PCDH19: variants seen among roughly 807,000 people sequenced by gnomAD.
PCDH19 encodes the protein protocadherin 19.
In PCDH19, 6 loss-of-function variants were observed where a neutral mutation model predicts 46.2. The ratio of observed to expected loss-of-function variants is 0.13; its 90% CI spans 0.07 to 0.26. PCDH19 has a LOEUF of 0.26. PCDH19 is among the 10% of genes least tolerant of loss of function. PCDH19 has a pLI of 1.00. For missense variants in PCDH19, 740 were observed against 972.3 expected, an observed-to-expected ratio of 0.76 and a Z score of 3.18; for synonymous variants, 481 against 415.7, an observed-to-expected ratio of 1.16 and a Z score of -1.91.
intron 5 of PCDH19, among the ~76,000 whole-genome samples, chrX:100,333,171 A>AAGGAAGGAAGGG (rs1925950574): frequency 3.4e-5 from 1 of 29,394 alleles, no homozygotes; most frequent in African/African-American, 1.1e-4. Context: ...GGAAGGAAGG[A>AAGGAAGGAAGGG]AGGGAGAGAG....
At chrX:100,402,952 T>A (rs1286519055) in intron 2 of PCDH19, 101 bp from the exon 3 acceptor site, 2 of 607,696 alleles carry the variant, frequency 3.3e-6, no homozygotes, top group Non-Finnish European at 5.4e-6. Flanking sequence ...CCATCTCCGC[T>A]CCAGCTCCTT....
At chrX:100,405,556 T>C (rs1198525630) in intron 1 of PCDH19, among the ~76,000 whole-genome samples, 8 of 90,499 alleles carry the variant, frequency 8.8e-5, no homozygotes, top group Non-Finnish European at 1.7e-4. Context: ...TCCCTCTCTC[T>C]CTCCCTCCCC....
rs1928542408 is a variant in PCDH19 at position 100,409,812 on chromosome X, T to TA, written c.-1216_-1215insT. 4.2e-6 allele frequency: 1 copy of TA among 239,367 alleles called. No individual in the cohort carries two copies. Among genetic ancestry groups the TA allele is most frequent in the African/African-American group, 3.0e-5 (1 of 33,646 alleles). 19.7% of individuals were successfully genotyped at this position (239,367 alleles called of 1,213,427 possible). A position where few individuals can be genotyped will look rare whatever the true frequency, so the allele number is the denominator to read the frequency against. On this transcript the variant is annotated 5_prime_UTR_variant, in exon 1 of 6. Coordinates refer to ENST00000373034, the MANE Select transcript of PCDH19 (RefSeq NM_001184880.2). ...CAGCAGCTGCCACAGTCGACGATTT[T>TA]GTCGCCGCCGAAGTTTACTTGCAGG...
In PCDH19 at chrX:100,295,953, ATAT is replaced by A. The variant is rs1388823383; in HGVS notation, c.*321_*323del. 2 of 228,655 alleles carry A rather than the reference ATAT, an allele frequency of 8.7e-6. No individual in the cohort carries two copies. The highest frequency in any genetic ancestry group is 7.8e-5 in the East Asian group (1 of 12,806). The allele number at this position is 228,655 out of a possible 1,213,427, so 18.8% of individuals were successfully genotyped here. A position where few individuals can be genotyped will look rare whatever the true frequency, so the allele number is the denominator to read the frequency against. On this transcript the variant is annotated 3_prime_UTR_variant, in exon 6 of 6. Transcript: ENST00000373034. ...AATCCTCCACAAACAATGGTAATTT[ATAT>A]TATAATTTTGACATAGAAAAATATA...
At chrX:100,372,067 T>G (rs1173731025) in intron 3 of PCDH19, among the ~76,000 whole-genome samples, 2 of 110,802 alleles carry the variant, frequency 1.8e-5, no homozygotes, top group African/African-American at 6.6e-5. Flanking sequence ...TGAAACCTCA[T>G]CTCTACTAAA....
chrX:100,377,553 C>T lies in PCDH19; in HGVS notation c.2616+24971G>A, dbSNP rs771714242. Among the ~76,000 whole-genome samples the T allele has an allele frequency of 2.7e-5, 3 of 112,062 alleles. No homozygotes were observed. In the South Asian group the frequency reaches 1.1e-3, roughly 42 times the overall value. ...TAGCCCAGACTGATGCATAGGTGTT[C>T]AATACCACACAGCTGAAGTAAACTG... On this transcript the variant is annotated intron_variant, in intron 3 of 5. Transcript: ENST00000373034.
intron 3 of PCDH19, among the ~76,000 whole-genome samples, chrX:100,386,752 T>A (rs763071341): frequency 9.1e-4 from 102 of 111,926 alleles, no homozygotes; most frequent in African/African-American, 3.3e-3. Context: ...GGTCCCTCAA[T>A]TTTTAGACCC....
chrX:100,332,506 C>A (rs747147902), intron 5 of PCDH19, among the ~76,000 whole-genome samples: 6 of 105,206 alleles, frequency 5.7e-5, no homozygotes, highest in African/African-American at 2.1e-4. Context: ...TGGAGCAAAA[C>A]CCCGTCTCAA....
At chrX:100,320,790 CT>C (rs1249904796) in intron 5 of PCDH19, among the ~76,000 whole-genome samples, 14 of 103,350 alleles carry the variant, frequency 1.4e-4, no homozygotes, top group Non-Finnish European at 1.8e-4. Flanking sequence ...TTTTTTTAAC[CT>C]TTTTTTTTCC....
At position 100,292,074 on chromosome X, in the gene PCDH19, C is replaced by A. The variant is rs981964274; in HGVS notation, c.*4203G>T. On this transcript the variant is annotated 3_prime_UTR_variant, in exon 6 of 6. Transcript: ENST00000373034. ...AGGCGTAAGCCTATTGCAACTAATA[C>A]CTTAGCATTCAAATAGCACAAGGAG... 1.8e-5 allele frequency: 2 copies of A among 113,381 alleles called. No individual in the cohort carries two copies. Among genetic ancestry groups the A allele is most frequent in the African/African-American group, 6.4e-5 (2 of 31,129 alleles). 9.3% of individuals were successfully genotyped at this position (113,381 alleles called of 1,213,427 possible). A position where few individuals can be genotyped will look rare whatever the true frequency, so the allele number is the denominator to read the frequency against.
At position 100,407,506 on chromosome X, in the gene PCDH19, C is replaced by T. The variant is rs761099954; in HGVS notation, c.1092G>A (p.Pro364=). The change falls in exon 1 of 6, where the codon CCG becomes CCA. Residue 364 remains proline, a synonymous_variant. Coordinates refer to ENST00000373034, the MANE Select transcript of PCDH19 (RefSeq NM_001184880.2). ...CCCGCACCAAGGCGATCACGTAGCC[C>T]GGGGGGGCGCTCTCGCTGACCTCCA... ...ELVEVSESAP[P]GYVIALVRVS... 9.9e-6 allele frequency: 12 copies of T among 1,210,797 alleles called. No homozygotes were observed. Among genetic ancestry groups the T allele is most frequent in the Non-Finnish European group, 1.3e-5 (12 of 895,402 alleles).
Position 100,406,553 on chromosome X carries a change from A to G in PCDH19, c.2045T>C (p.Ile682Thr). 8.3e-7 allele frequency: 1 copy of G among 1,210,407 alleles called. No homozygotes were observed. Among genetic ancestry groups the G allele is most frequent in the Non-Finnish European group, 1.1e-6 (1 of 894,648 alleles). The change falls in exon 1 of 6, where the codon ATT (isoleucine) becomes ACT (threonine). Residue 682 changes from isoleucine to threonine, a missense_variant. Physicochemically the swap from Ile to Thr is moderately conservative, Grantham distance 89. Around this residue, in one of 5 missense-constraint regions of PCDH19, gnomAD observed 416 missense variants for 476.8 expected, o/e 0.87. Coordinates refer to ENST00000373034, the MANE Select transcript of PCDH19 (RefSeq NM_001184880.2). ...MGSVNLSLIF[I>T]IALGSIAGIL... ...GCCCGCAATGGAGCCCAGGGCAATA[A>G]TGAAAATCAAGGACAAGTTCACAGA...
chrX:100,334,755 C>CGTGTGTGTGTGT (rs55977851), intron 5 of PCDH19, among the ~76,000 whole-genome samples: 1 of 100,477 alleles, frequency 1.0e-5, no homozygotes, highest in African/African-American at 3.6e-5. Context: ...ATATAACCAA[C>CGTGTGTGTGTGT]GTGTGTGTGT....
At chrX:100,380,383 T>G (rs964142275) in intron 3 of PCDH19, among the ~76,000 whole-genome samples, 1 of 111,690 alleles carries the variant, frequency 9.0e-6, no homozygotes, top group Admixed American at 9.6e-5. Context: ...TTCATAATAA[T>G]ATGCTCTTTT....
chrX:100,318,541 T>C (rs1925379963), intron 5 of PCDH19, among the ~76,000 whole-genome samples: 1 of 112,118 alleles, frequency 8.9e-6, no homozygotes, highest in African/African-American at 3.2e-5. Flanking sequence ...CAGGCTGCAT[T>C]GGTGACCCAA....
intron 3 of PCDH19, among the ~76,000 whole-genome samples, chrX:100,387,115 A>T (rs1927738391): frequency 8.9e-6 from 1 of 111,784 alleles, no homozygotes; most frequent in South Asian, 3.7e-4. Context: ...CTATCTACAC[A>T]GGACCACTGA....
intron 5 of PCDH19, among the ~76,000 whole-genome samples, chrX:100,301,688 G>C (rs895382729): frequency 8.9e-6 from 1 of 111,785 alleles, no homozygotes; most frequent in Non-Finnish European, 1.9e-5. Context: ...AGGAGATTAT[G>C]ACAATGATTA....
At chrX:100,346,887 G>A (rs1451241047) in intron 4 of PCDH19, among the ~76,000 whole-genome samples, 1 of 111,085 alleles carries the variant, frequency 9.0e-6, no homozygotes, top group Non-Finnish European at 1.9e-5. Context: ...CAGGCATGAG[G>A]AAAGAGTGCT....
intron 5 of PCDH19, among the ~76,000 whole-genome samples, chrX:100,330,026 T>C (rs957798369): frequency 8.9e-6 from 1 of 112,714 alleles, no homozygotes; most frequent in African/African-American, 3.2e-5. Context: ...GCATCAACAT[T>C]TGACTTGCTT....
Sources: gnomAD v4.1 joint callset for allele counts (sites outside exome capture counted in the v4.1 genomes callset) on GRCh38, gnomAD v4.1.1 for gene constraint, gnomAD v4.1.1 regional missense constraint, MANE v1.5 for transcripts, NCBI Gene and HGNC (gene_info 2026-07-23, HGNC 2026-07-21) for gene names.